The following DNAI4 variants were observed in gnomAD, a reference collection of about 807,000 sequenced individuals.
The protein encoded by DNAI4 is WD repeat domain 78.
A neutral mutation model predicts 105.8 loss-of-function variants in DNAI4; 85 were observed. The observed-to-expected ratio is 0.80, with a 90% CI of 0.67 to 0.96. The LOEUF is 0.96. DNAI4 is among the 40% of genes least tolerant of loss of function. DNAI4 has a pLI of 0.00. For synonymous variants in DNAI4, 352 were observed against 331.5 expected (o/e 1.06, Z -0.67); for missense variants, 1,014 against 1,005.6 (o/e 1.01, Z -0.11).
At position 66,826,855 on chromosome 1, in the gene DNAI4, C is replaced by T. The variant is rs1317133796; in HGVS notation, c.2304G>A (p.Glu768=). 1 of 1,614,062 alleles carries T rather than the reference C, an allele frequency of 6.2e-7. No homozygotes were observed. Among genetic ancestry groups the T allele is most frequent in the East Asian group, 2.2e-5 (1 of 44,856 alleles). Residue 768 remains glutamate, a synonymous_variant, in exon 15 of 17, where the codon GAG becomes GAA. Coordinates refer to ENST00000371026, the MANE Select transcript of DNAI4 (RefSeq NM_024763.5). The part of the protein sequence containing the change: ...KSSYIFAAAN[E]NRVEIWDLHI... ...GAAGGTCCCAAATCTCCACCCTGTT[C>T]TCATTTGCAGCTGCAAATATATAGG...
intron 7 of DNAI4, among the ~76,000 whole-genome samples, chr1:66,850,587 T>G (rs911071936): frequency 1.3e-5 from 2 of 152,036 alleles, no homozygotes; most frequent in African/African-American, 4.8e-5. Context: ...TTGAGTTTTC[T>G]TCATTACGAT....
At chr1:66,892,038 T>C (rs533570779) in intron 3 of DNAI4, among the ~76,000 whole-genome samples, 2 of 152,350 alleles carry the variant, frequency 1.3e-5, no homozygotes, top group South Asian at 2.1e-4. Flanking sequence ...TTATTTCATT[T>C]TATAAAGGCC....
intron 2 of DNAI4, among the ~76,000 whole-genome samples, chr1:66,898,388 T>C (rs974591988): frequency 2.6e-5 from 4 of 152,168 alleles, no homozygotes; most frequent in Admixed American, 2.0e-4. Flanking sequence ...AGTTATAGTT[T>C]AAATGTGTGT....
chr1:66,911,378 A>G (rs1649647264), intron 1 of DNAI4, among the ~76,000 whole-genome samples: 1 of 152,076 alleles, frequency 6.6e-6, no homozygotes, highest in African/African-American at 2.4e-5. Flanking sequence ...TTTGGTTTTT[A>G]TGGAGGTTTT....
Position 66,837,571 on chromosome 1 carries a change from C to T in DNAI4, c.1581+139G>A. ...TGTCAACAAGAACAAATTTTAATTG[C>T]TATGAAGTTAAACCAAAGAAAATAG... is the stretch of plus-strand genomic sequence containing the variant. On this transcript the variant is annotated intron_variant, in intron 10 of 16. Coordinates refer to ENST00000371026, the MANE Select transcript of DNAI4 (RefSeq NM_024763.5). The T allele has an allele frequency of 2.9e-6, 3 of 1,025,828 alleles. No individual in the cohort carries two copies. The South Asian group carries it at 5.4e-5, about 19-fold the overall frequency. The allele number at this position is 1,025,828 out of a possible 1,614,324, so 63.5% of individuals were successfully genotyped here.
chr1:66,884,181 A>G (rs1647141616), intron 4 of DNAI4, among the ~76,000 whole-genome samples: 2 of 152,234 alleles, frequency 1.3e-5, no homozygotes, highest in South Asian at 2.1e-4. Context: ...TTAAGGCTGA[A>G]TAGTATTCTA....
At chr1:66,856,678 AAGAT>A (rs942991614) in intron 7 of DNAI4, among the ~76,000 whole-genome samples, 49 of 152,192 alleles carry the variant, frequency 3.2e-4, no homozygotes, top group African/African-American at 1.1e-3. Flanking sequence ...AAATAAAAGA[AAGAT>A]AGTTGGACAA....
rs941294516 is a variant in DNAI4, at chr1:66,825,340, C to T, written c.2339+1480G>A. Among the ~76,000 whole-genome samples the T allele has an allele frequency of 1.1e-4, 17 of 151,262 alleles. No individual in the cohort carries two copies. In the East Asian group the frequency reaches 1.8e-3, roughly 16 times the overall value. On this transcript the variant is annotated intron_variant, in intron 15 of 16. Coordinates refer to ENST00000371026, the MANE Select transcript of DNAI4 (RefSeq NM_024763.5). ...GACTACAGGCGCCCGCCACCGCGCCCGGCTAATTTTTTTTGTATTTTTAGT... is the reference window on the plus strand; with the variant it reads ...GACTACAGGCGCCCGCCACCGCGCCTGGCTAATTTTTTTTGTATTTTTAGT...
chr1:66,912,244 A>G (rs1178534551), intron 1 of DNAI4, among the ~76,000 whole-genome samples: 1 of 152,036 alleles, frequency 6.6e-6, no homozygotes, highest in African/African-American at 2.4e-5. Flanking sequence ...CACTTTGGGA[A>G]CAGATTACTT....
intron 1 of DNAI4, among the ~76,000 whole-genome samples, chr1:66,924,164 T>C (rs1192958086): frequency 6.6e-6 from 1 of 152,166 alleles, no homozygotes; most frequent in Non-Finnish European, 1.5e-5. Flanking sequence ...AGCACAGCAA[T>C]AGAGATTTAT....
intron 5 of DNAI4, among the ~76,000 whole-genome samples, chr1:66,873,052 T>C (rs573490): frequency 0.15 from 22,842 of 152,052 alleles, 1,941 homozygotes; most frequent in African/African-American, 0.23. Context: ...AACTCTGTCT[T>C]TTATTTGTTT....
chr1:66,862,627 A>G (rs1646652185), intron 6 of DNAI4, among the ~76,000 whole-genome samples: 1 of 152,246 alleles, frequency 6.6e-6, no homozygotes, highest in Non-Finnish European at 1.5e-5. Flanking sequence ...GTTTTACAAT[A>G]TAACTGGAAG....
intron 10 of DNAI4, among the ~76,000 whole-genome samples, chr1:66,837,289 C>T (rs983260076): frequency 1.2e-4 from 17 of 143,636 alleles, no homozygotes; most frequent in South Asian, 4.5e-4. Flanking sequence ...ACTTAAACCC[C>T]GGGAGGCAGA....
intron 1 of DNAI4, among the ~76,000 whole-genome samples, chr1:66,922,732 C>T (rs1454811474): frequency 2.0e-5 from 3 of 151,944 alleles, no homozygotes; most frequent in Non-Finnish European, 4.4e-5. Flanking sequence ...AAGGTTTTTC[C>T]CCTGAGTAAG....
chr1:66,899,794 T>C (rs934563955), intron 2 of DNAI4, among the ~76,000 whole-genome samples: 6 of 152,230 alleles, frequency 3.9e-5, no homozygotes, highest in African/African-American at 1.4e-4. Context: ...CCAGTTATCC[T>C]GGAACAATTT....
intron 13 of DNAI4, among the ~76,000 whole-genome samples, chr1:66,829,385 G>T (rs1645820941): frequency 6.6e-6 from 1 of 152,044 alleles, no homozygotes; most frequent in African/African-American, 2.4e-5. Context: ...GACAAACCAG[G>T]CTAACACCAG....
chr1:66,823,167 T>C (rs1645672002), intron 15 of DNAI4, among the ~76,000 whole-genome samples: 1 of 136,576 alleles, frequency 7.3e-6, no homozygotes, highest in Admixed American at 7.3e-5. Context: ...TGTTTGGTTT[T>C]TTGTTCTTGC....
At chr1:66,850,318 C>T (rs1363269699) in intron 7 of DNAI4, among the ~76,000 whole-genome samples, 1 of 151,532 alleles carries the variant, frequency 6.6e-6, no homozygotes, top group East Asian at 1.9e-4. Context: ...AATTCTATAC[C>T]CAGTGAATTT....
intron 10 of DNAI4, among the ~76,000 whole-genome samples, chr1:66,836,294 A>C (rs865898524): frequency 6.6e-6 from 1 of 150,774 alleles, no homozygotes; most frequent in Non-Finnish European, 1.5e-5. Context: ...GAAAGAAAGA[A>C]AGAAAGAAAG....
Sources: gnomAD v4.1 joint callset for allele counts (sites outside exome capture counted in the v4.1 genomes callset) on GRCh38, gnomAD v4.1.1 for gene constraint, MANE v1.5 for transcripts, NCBI Gene and HGNC (gene_info 2026-07-23, HGNC 2026-07-21) for gene names.